Variants in SORCS2 observed in about 807,000 individuals in gnomAD.
SORCS2 encodes sortilin related VPS10 domain containing receptor 2, also known as VPS10 domain-containing receptor SorCS2.
Under a neutral mutation model 141.6 loss-of-function variants are expected in SORCS2, and 100 were observed. The ratio of observed to expected loss-of-function variants is 0.71; its 90% CI spans 0.60 to 0.83. The LOEUF (loss-of-function observed/expected upper bound fraction) is 0.83. SORCS2 is among the 40% of genes least tolerant of loss of function. The pLI is 0.00. For synonymous variants in SORCS2, 789 were observed against 676.9 expected (o/e 1.17, Z -2.57); for missense variants, 1,646 against 1,560.2 (o/e 1.05, Z -0.93).
chr4:7,649,877 G>A (rs115631680), intron 4 of SORCS2, among the ~76,000 whole-genome samples: 1 of 152,182 alleles, frequency 6.6e-6, no homozygotes, highest in African/African-American at 2.4e-5. Context: ...ATAAGGTGGT[G>A]CCCGTGACAA....
Position 7,714,244 on chromosome 4 carries a change from A to G in SORCS2, c.1994A>G (p.Asp665Gly). ...ACCCTGATGTTCCTGCTGCAGGGCG[A>G]CCGCTGTATCATGGGCCAGCAGAGA... ...SSWELSNLQGDRCIMGQQRSF... is the reference protein window; with the variant it reads ...SSWELSNLQGGRCIMGQQRSF... The change falls in exon 16 of 27, where the codon GAC becomes GGC. Residue 665 changes from aspartate to glycine, a missense_variant. By Grantham distance (94) the Asp-to-Gly change is moderately conservative (BLOSUM62 -1). Coordinates refer to ENST00000507866, the MANE Select transcript of SORCS2 (RefSeq NM_020777.3). 1 of 1,610,348 alleles carries G rather than the reference A, an allele frequency of 6.2e-7. No homozygotes were observed. The highest frequency in any genetic ancestry group is 8.5e-7 in the Non-Finnish European group (1 of 1,178,558).
At chr4:7,495,002 C>T (rs1488458200) in intron 2 of SORCS2, among the ~76,000 whole-genome samples, 2 of 152,192 alleles carry the variant, frequency 1.3e-5, no homozygotes, top group African/African-American at 4.8e-5. Flanking sequence ...TCTCCTGGGT[C>T]CTTGGCCTAG....
intron 1 of SORCS2, among the ~76,000 whole-genome samples, chr4:7,307,518 G>T (rs1717908657): frequency 6.6e-6 from 1 of 152,244 alleles, no homozygotes; most frequent in African/African-American, 2.4e-5. Flanking sequence ...GCCGCTTGGG[G>T]GTGGGGAAGG....
rs567356954 is a variant in SORCS2, at chr4:7,652,020, A to G, written c.814-2114A>G. Among the ~76,000 whole-genome samples, 10 of 152,306 alleles carry G rather than the reference A, an allele frequency of 6.6e-5. No individual in the cohort carries two copies. The South Asian group carries it at 1.9e-3, about 28-fold the overall frequency. On this transcript the variant is annotated intron_variant, in intron 4 of 26. Coordinates refer to ENST00000507866, the MANE Select transcript of SORCS2 (RefSeq NM_020777.3). ...GTTTTCTCGGTTTCCAAGATGCCAC[A>G]TTTGCGGTAGCGTTGCCAGCACCCA...
intron 2 of SORCS2, among the ~76,000 whole-genome samples, chr4:7,408,148 G>A (rs906579673): frequency 9.9e-5 from 15 of 152,088 alleles, no homozygotes; most frequent in African/African-American, 3.6e-4. Flanking sequence ...GTTTGTCCAT[G>A]TCCCTAATTT....
chr4:7,444,013 G>T (rs1343519748), intron 2 of SORCS2, among the ~76,000 whole-genome samples: 2 of 152,222 alleles, frequency 1.3e-5, no homozygotes, highest in Non-Finnish European at 2.9e-5. Context: ...CAGGTAAAGG[G>T]GCTGTCTTAT....
chr4:7,724,456 A>ATGG (rs1175354716), intron 19 of SORCS2, among the ~76,000 whole-genome samples: 5 of 82,778 alleles, frequency 6.0e-5, no homozygotes, highest in African/African-American at 1.4e-4. Flanking sequence ...GGTGGTGGTG[A>ATGG]TGGTGGTGGT....
intron 9 of SORCS2, among the ~76,000 whole-genome samples, chr4:7,680,663 C>G (rs1032802385): frequency 6.6e-6 from 1 of 152,234 alleles, no homozygotes; most frequent in Non-Finnish European, 1.5e-5. Context: ...ATGGATTTGC[C>G]ACATGTATGG....
chr4:7,579,077 A>C (rs938312560), intron 3 of SORCS2, among the ~76,000 whole-genome samples: 3 of 152,002 alleles, frequency 2.0e-5, no homozygotes, highest in African/African-American at 7.3e-5. Context: ...TAATGCCCAC[A>C]TGTCCTCTCT....
intron 1 of SORCS2, among the ~76,000 whole-genome samples, chr4:7,240,389 G>T (rs142056605): frequency 5.9e-4 from 90 of 152,324 alleles, no homozygotes; most frequent in African/African-American, 2.0e-3. Context: ...TTTGTAATTT[G>T]TTTGATACGT....
At chr4:7,509,186 C>CT (rs1437090470) in intron 2 of SORCS2, among the ~76,000 whole-genome samples, 1 of 152,166 alleles carries the variant, frequency 6.6e-6, no homozygotes, top group African/African-American at 2.4e-5. Context: ...CACATTAGAG[C>CT]TGGGAGCATT....
intron 3 of SORCS2, among the ~76,000 whole-genome samples, chr4:7,553,640 G>A (rs915053076): frequency 1.3e-5 from 2 of 152,348 alleles, no homozygotes; most frequent in Non-Finnish European, 1.5e-5. Context: ...GGAGGTGTAC[G>A]AGCCCAGGTA....
At position 7,543,780 on chromosome 4, in the gene SORCS2, CCACT is replaced by C. The variant is rs1204950630; in HGVS notation, c.648+12154_648+12157del. On this transcript the variant is annotated intron_variant, in intron 3 of 26. Transcript: ENST00000507866. ...TCCACCCACCCATCCGTCCATCCATCCACTCATCCATCCATCCATCCATCCATCC... is the reference window on the plus strand; with the variant it reads ...TCCACCCACCCATCCGTCCATCCATCCATCCATCCATCCATCCATCCATCC... 3.1e-3 allele frequency among the ~76,000 whole-genome samples: 222 copies of C among 72,754 alleles called. 9 individuals carry two copies. The highest frequency in any genetic ancestry group is 8.4e-3 in the African/African-American group (176 of 20,856). 47.7% of individuals were successfully genotyped at this position (72,754 alleles called of 152,430 possible).
chr4:7,316,873 C>G (rs1384886089), intron 1 of SORCS2, among the ~76,000 whole-genome samples: 1 of 152,144 alleles, frequency 6.6e-6, no homozygotes, highest in East Asian at 1.9e-4. Flanking sequence ...GGGCTGGTGA[C>G]CACTCTCAAG....
intron 1 of SORCS2, among the ~76,000 whole-genome samples, chr4:7,241,859 C>T (rs1336638768): frequency 2.0e-5 from 3 of 152,168 alleles, no homozygotes; most frequent in Non-Finnish European, 4.4e-5. Context: ...CCTTGCTGGG[C>T]GCTGGGATGC....
rs1716199250 is a variant in SORCS2, at chr4:7,286,026, C to A, written c.480+92900C>A. ...ACCGTGCTCCGTGCCCTGCCGAGAG[C>A]CAGCTGCCCCGCCGGGGGCTCCCTG... On this transcript the variant is annotated intron_variant, in intron 1 of 26. Coordinates refer to ENST00000507866, the MANE Select transcript of SORCS2 (RefSeq NM_020777.3). The surrounding 1 kb of genome is among the most constrained non-coding windows in gnomAD (Gnocchi z 4.1). Among the ~76,000 whole-genome samples the A allele has an allele frequency of 6.6e-6, 1 of 152,210 alleles. No homozygotes were observed. The highest frequency in any genetic ancestry group is 1.5e-5 in the Non-Finnish European group (1 of 68,036).
At chr4:7,666,138 AG>A (rs1722489071) in intron 7 of SORCS2, among the ~76,000 whole-genome samples, 1 of 152,002 alleles carries the variant, frequency 6.6e-6, no homozygotes. Flanking sequence ...CAGGAGACTC[AG>A]GGGGAGGCAG....
At chr4:7,703,065 G>C (rs988042294) in intron 12 of SORCS2, among the ~76,000 whole-genome samples, 1 of 152,222 alleles carries the variant, frequency 6.6e-6, no homozygotes, top group African/African-American at 2.4e-5. Context: ...AGAAGTTGCT[G>C]TCCGCCATTC....
chr4:7,645,919 A>C (rs1279218747), intron 4 of SORCS2, among the ~76,000 whole-genome samples: 1 of 152,172 alleles, frequency 6.6e-6, no homozygotes, highest in Non-Finnish European at 1.5e-5. Flanking sequence ...TCCTGCTCCC[A>C]AGGCCGTGGT....
Sources: allele counts gnomAD v4.1 joint callset (sites outside exome capture counted in the v4.1 genomes callset), GRCh38; gene constraint gnomAD v4.1.1; non-coding constraint Gnocchi (gnomAD v3.1); transcripts MANE v1.5; gene names NCBI Gene and HGNC (gene_info 2026-07-23, HGNC 2026-07-21).